The following NPHP4 variants were observed in gnomAD, a reference collection of about 807,000 sequenced individuals.
NPHP4 encodes the protein nephrocystin-4.
A neutral mutation model predicts 155.8 loss-of-function variants in NPHP4; 151 were observed. The observed-to-expected ratio is 0.97, with a 90% CI of 0.85 to 1.11. The LOEUF (loss-of-function observed/expected upper bound fraction) is 1.11. Ranked by LOEUF, NPHP4 falls within the 50% of genes least tolerant of loss-of-function variation. The pLI, the probability that NPHP4 is intolerant of heterozygous loss-of-function variation, is 0.00. For missense variants in NPHP4, 1,956 were observed against 1,925.7 expected (o/e 1.02, Z -0.29); for synonymous variants, 845 against 816.8 (o/e 1.03, Z -0.59).
intron 9 of NPHP4, among the ~76,000 whole-genome samples, chr1:5,938,861 A>T (rs1646680411): frequency 6.6e-6 from 1 of 152,210 alleles, no homozygotes; most frequent in Admixed American, 6.5e-5. Flanking sequence ...GATTCATCAA[A>T]CGAATCTTCG....
chr1:5,890,986 A>G lies in NPHP4; in HGVS notation c.2186T>C (p.Phe729Ser), dbSNP rs1260036696. The G allele has an allele frequency of 1.3e-6, 2 of 1,578,742 alleles. No individual in the cohort carries two copies. The highest frequency in any genetic ancestry group is 1.7e-6 in the Non-Finnish European group (2 of 1,152,854). ...FQLRYMVGPGFLKPGERRCFA... is the reference protein window; with the variant it reads ...FQLRYMVGPGSLKPGERRCFA... ...GCAGCGCCGCTCACCTGGCTTCAGG[A>G]ACCCAGGGCCCACCATGTACCTCAG... is the stretch of plus-strand genomic sequence containing the variant. Residue 729 changes from phenylalanine to serine, a missense_variant, in exon 17 of 30, where the codon TTC (phenylalanine) becomes TCC (serine). Transcript: ENST00000378156. This position sits in a 1 kb window ranked among gnomAD's most constrained non-coding sequence, Gnocchi z 4.9.
intron 11 of NPHP4, among the ~76,000 whole-genome samples, chr1:5,923,742 A>G (rs1464664247): frequency 6.6e-6 from 1 of 152,250 alleles, no homozygotes; most frequent in Admixed American, 6.5e-5. Context: ...CAATCTTAAG[A>G]GCAAGACCCA....
chr1:5,959,046 CG>C lies in NPHP4; in HGVS notation c.673+2747del, dbSNP rs993680253. On this transcript the variant is annotated intron_variant, in intron 6 of 29. Transcript: ENST00000378156. ...CAACTCTGAGAGTGGGGGCGGGGGGCGGGGGGGCGGCAGGTGTTGCTGAGAT... is the reference window on the plus strand; with the variant it reads ...CAACTCTGAGAGTGGGGGCGGGGGGCGGGGGGCGGCAGGTGTTGCTGAGAT... Among the ~76,000 whole-genome samples, 50 of 95,694 alleles carry C rather than the reference CG, an allele frequency of 5.2e-4. No individual in the cohort carries two copies. The East Asian group carries it at 7.1e-3, about 14-fold the overall frequency. The allele number at this position is 95,694 out of a possible 152,430, so 62.8% of individuals were successfully genotyped here.
rs775326046 is a variant in NPHP4 at position 5,948,393 on chromosome 1, T to C, written c.811-142A>G. On this transcript the variant is annotated intron_variant, in intron 7 of 29. Transcript: ENST00000378156. Reference sequence around the variant, plus strand: ...CAGATCAGATGATGCTTAGTCAAGATGAGTGCAAGCAAATGACAGATACAG... The same window carrying C: ...CAGATCAGATGATGCTTAGTCAAGACGAGTGCAAGCAAATGACAGATACAG... 9.3e-6 allele frequency: 6 copies of C among 645,166 alleles called. No individual in the cohort carries two copies. In the East Asian group the frequency reaches 1.6e-4, roughly 18 times the overall value. The allele number at this position is 645,166 out of a possible 1,614,324, so 40.0% of individuals were successfully genotyped here.
chr1:5,903,883 G>A (rs538785410), intron 16 of NPHP4, among the ~76,000 whole-genome samples: 1 of 152,340 alleles, frequency 6.6e-6, no homozygotes, highest in East Asian at 1.9e-4. Flanking sequence ...AGAGAAGCAA[G>A]CAGACGCCAA....
intron 22 of NPHP4, 88 bp from the exon 23 acceptor site, chr1:5,873,423 C>G: frequency 2.0e-6 from 2 of 1,021,680 alleles, no homozygotes; most frequent in Non-Finnish European, 1.5e-6. Flanking sequence ...TGCCACCCAG[C>G]TGGGAGCCAC....
chr1:5,981,313 A>G (rs1359624599), intron 2 of NPHP4, among the ~76,000 whole-genome samples: 2 of 152,170 alleles, frequency 1.3e-5, no homozygotes, highest in East Asian at 1.9e-4. Flanking sequence ...GTCTATTCAA[A>G]TAAGAATCCA....
At chr1:5,904,405 C>T (rs1644814505) in intron 16 of NPHP4, among the ~76,000 whole-genome samples, 1 of 152,150 alleles carries the variant, frequency 6.6e-6, no homozygotes, top group Non-Finnish European at 1.5e-5. Context: ...CTGGGATTTG[C>T]TTCAAAATAA....
intron 2 of NPHP4, among the ~76,000 whole-genome samples, chr1:5,985,884 G>T (rs761768754): frequency 2.0e-5 from 3 of 152,188 alleles, no homozygotes; most frequent in Non-Finnish European, 4.4e-5. Context: ...GCGTGGCCCA[G>T]CTTCAACATG....
At chr1:5,904,492 C>T (rs1362660403) in intron 16 of NPHP4, 125 bp downstream of exon 16, 6 of 711,026 alleles carry the variant, frequency 8.4e-6, no homozygotes, top group East Asian at 8.4e-5. Flanking sequence ...CACTGGTCAC[C>T]GTATGATTCT....
rs1232148646 is a variant in NPHP4, at chr1:5,964,939, A to ATTTTT, written c.517+2359_517+2360insAAAAA. On this transcript the variant is annotated intron_variant, in intron 5 of 29. Coordinates refer to ENST00000378156, the MANE Select transcript of NPHP4 (RefSeq NM_015102.5). ...ATATTATATATATATATATATATATATATTTTTTTTTTTTGAGGCAGGGTC... is the reference window on the plus strand; with the variant it reads ...ATATTATATATATATATATATATATATTTTTTATTTTTTTTTTTTGAGGCAGGGTC... Among the ~76,000 whole-genome samples, 24 of 62,686 alleles carry ATTTTT rather than the reference A, an allele frequency of 3.8e-4. 1 individual carries two copies. Among genetic ancestry groups the ATTTTT allele is most frequent in the African/African-American group, 8.4e-4 (11 of 13,050 alleles). The allele number at this position is 62,686 out of a possible 152,430, so 41.1% of individuals were successfully genotyped here.
intron 27 of NPHP4, 79 bp from the exon 28 acceptor site, chr1:5,864,596 A>C (rs1641006315): frequency 2.2e-6 from 3 of 1,348,446 alleles, no homozygotes; most frequent in Non-Finnish European, 3.0e-6. Flanking sequence ...CCTGCAGCCC[A>C]ATCAGCCAGG....
intron 16 of NPHP4, among the ~76,000 whole-genome samples, chr1:5,904,046 G>A (rs770487024): frequency 3.9e-5 from 6 of 152,146 alleles, no homozygotes; most frequent in Non-Finnish European, 7.3e-5. Flanking sequence ...GTTACCACCA[G>A]GATACAAAAA....
intron 4 of NPHP4, among the ~76,000 whole-genome samples, chr1:5,968,161 A>G (rs115476343): frequency 0.023 from 3,441 of 152,180 alleles, 53 homozygotes; most frequent in Non-Finnish European, 0.032. Context: ...TCAGGGTCCA[A>G]GAGCTCAAAT....
intron 23 of NPHP4, among the ~76,000 whole-genome samples, chr1:5,872,640 G>A (rs936095636): frequency 2.0e-5 from 3 of 152,200 alleles, no homozygotes; most frequent in Non-Finnish European, 2.9e-5. Flanking sequence ...ACAGGACTGC[G>A]CTGAACTCTG....
intron 5 of NPHP4, among the ~76,000 whole-genome samples, chr1:5,966,766 C>T (rs1373734165): frequency 1.3e-5 from 2 of 152,284 alleles, no homozygotes; most frequent in Middle Eastern, 3.4e-3. Context: ...CCTCCCACCA[C>T]ACGCCCTTCC....
chr1:5,888,719 G>T (rs576125293), intron 17 of NPHP4: 1 of 774,472 alleles, frequency 1.3e-6, no homozygotes, highest in East Asian at 5.5e-5. Flanking sequence ...TTATCAAAAT[G>T]GCCACTGGCG....
chr1:5,888,518 C>T (rs758812346), intron 17 of NPHP4: 24 of 1,313,318 alleles, frequency 1.8e-5, no homozygotes, highest in Non-Finnish European at 2.3e-5. Context: ...GGTCGCTTTG[C>T]CACACTCGTC....
intron 11 of NPHP4, among the ~76,000 whole-genome samples, chr1:5,914,908 C>T (rs1645385107): frequency 6.6e-6 from 1 of 152,158 alleles, no homozygotes; most frequent in Non-Finnish European, 1.5e-5. Flanking sequence ...CCAGCAGGTG[C>T]CAGGTAGACC....
Sources: gnomAD v4.1 joint callset for allele counts (sites outside exome capture counted in the v4.1 genomes callset) on GRCh38, gnomAD v4.1.1 for gene constraint, Gnocchi (gnomAD v3.1) non-coding constraint, MANE v1.5 for transcripts, NCBI Gene and HGNC (gene_info 2026-07-23, HGNC 2026-07-21) for gene names.